E2F5: variants seen among roughly 807,000 people sequenced by gnomAD.
E2F5 encodes the protein E2F transcription factor 5.
In E2F5, 23 loss-of-function variants were observed where a neutral mutation model predicts 39.1. The ratio of observed to expected loss-of-function variants is 0.59; its 90% CI spans 0.42 to 0.83. The LOEUF is 0.83. Among genes scored for constraint, E2F5 ranks in the 40% least tolerant of loss-of-function variants. E2F5 has a pLI of 0.00. For missense variants in E2F5, 365 were observed against 406.7 expected (o/e 0.90, Z 0.88); for synonymous variants, 145 against 157.8 (o/e 0.92, Z 0.61).
intron 2 of E2F5, 94 bp from the exon 3 acceptor site, chr8:85,203,000 A>G: frequency 1.0e-6 from 1 of 955,482 alleles, no homozygotes; most frequent in Non-Finnish European, 1.4e-6. Context: ...TGTCTTGAAT[A>G]TATTACTAAA....
intron 1 of E2F5, among the ~76,000 whole-genome samples, chr8:85,178,860 T>C (rs574983756): frequency 1.3e-5 from 2 of 152,342 alleles, no homozygotes; most frequent in South Asian, 4.1e-4. Flanking sequence ...TGGATGTAGT[T>C]GGTGTTCAAT....
At chr8:85,212,286 T>C (rs1340322991) in intron 7 of E2F5, 82 bp downstream of exon 7, 12 of 1,078,078 alleles carry the variant, frequency 1.1e-5, no homozygotes, top group Non-Finnish European at 1.7e-5. Flanking sequence ...TTAAAAGAAA[T>C]GAACATATAT....
chr8:85,211,838 CTA>C (rs1318638913), intron 6 of E2F5, among the ~76,000 whole-genome samples: 2 of 151,564 alleles, frequency 1.3e-5, no homozygotes, highest in Non-Finnish European at 2.9e-5. Flanking sequence ...ACGGATTTCA[CTA>C]TGTTGCCCAG....
At chr8:85,206,665 G>A (rs1812808462) in intron 4 of E2F5, among the ~76,000 whole-genome samples, 1 of 152,038 alleles carries the variant, frequency 6.6e-6, no homozygotes, top group Admixed American at 6.6e-5. Context: ...CTTATAACCA[G>A]GAAACCTATT....
chr8:85,205,513 C>T (rs1812784773), intron 3 of E2F5, among the ~76,000 whole-genome samples: 1 of 151,990 alleles, frequency 6.6e-6, no homozygotes, highest in South Asian at 2.1e-4. Flanking sequence ...GTCTTGAACT[C>T]CTGACCTCAA....
rs560835376 is a variant in E2F5 at position 85,203,730 on chromosome 8, A to G, written c.506+475A>G. 6.0e-4 allele frequency among the ~76,000 whole-genome samples: 91 copies of G among 151,274 alleles called. 1 individual carries two copies. The highest frequency in any genetic ancestry group is 2.1e-3 in the African/African-American group (85 of 41,398). ...CTTTCTGCCTAACATGAACCCCAAA[A>G]TAGTTCCTACTGGAGAACAGGGGTC... On this transcript the variant is annotated intron_variant, in intron 3 of 7. Transcript: ENST00000416274.
chr8:85,186,621 GTATA>G (rs902291353), intron 1 of E2F5, among the ~76,000 whole-genome samples: 4 of 146,094 alleles, frequency 2.7e-5, no homozygotes, highest in South Asian at 2.1e-4. Flanking sequence ...TATATATAAG[GTATA>G]TATATGGTAT....
At chr8:85,210,912 T>A (rs1201934490) in intron 6 of E2F5, among the ~76,000 whole-genome samples, 3 of 152,108 alleles carry the variant, frequency 2.0e-5, no homozygotes, top group African/African-American at 7.2e-5. Flanking sequence ...TTCAGAGTAG[T>A]TAGGACATTT....
intron 1 of E2F5, among the ~76,000 whole-genome samples, chr8:85,186,547 G>A (rs1812338517): frequency 6.7e-6 from 1 of 148,478 alleles, no homozygotes; most frequent in South Asian, 2.1e-4. Context: ...TATATATATG[G>A]TATATACATA....
At chr8:85,205,617 A>C (rs1812787950) in intron 3 of E2F5, among the ~76,000 whole-genome samples, 1 of 151,956 alleles carries the variant, frequency 6.6e-6, no homozygotes, top group African/African-American at 2.4e-5. Context: ...AACCCCAATA[A>C]AAGCTCTGGG....
At chr8:85,198,854 C>T (rs867335665) in intron 1 of E2F5, among the ~76,000 whole-genome samples, 3 of 152,184 alleles carry the variant, frequency 2.0e-5, no homozygotes, top group Non-Finnish European at 4.4e-5. Flanking sequence ...CACACACTCT[C>T]GTGTCCAGTG....
intron 1 of E2F5, among the ~76,000 whole-genome samples, chr8:85,185,459 A>T (rs879078489): frequency 1.3e-5 from 2 of 152,224 alleles, no homozygotes; most frequent in African/African-American, 4.8e-5. Context: ...ATGGGCAAAG[A>T]CTTCTTGTCT....
chr8:85,177,494 C>T lies in E2F5; in HGVS notation c.74C>T (p.Pro25Leu), dbSNP rs1812108015. ...CAGGGGCAGGGCCAGCGGCCGCCGC[C>T]GCAGCCTCCGCAGGCGCAAGCCCCG... Reference protein sequence around the residue: ...AGQGQGQRPPPQPPQAQAPQP... With the variant: ...AGQGQGQRPPLQPPQAQAPQP... Residue 25 changes from proline (P) to leucine (L), a missense_variant, in exon 1 of 8, where the codon CCG (proline) becomes CTG (leucine). Pro to Leu is a moderately conservative substitution (Grantham distance 98). Transcript: ENST00000416274. The T allele has an allele frequency of 8.5e-6, 9 of 1,057,760 alleles. No individual in the cohort carries two copies. The South Asian group carries it at 3.5e-4, about 41-fold the overall frequency. The allele number at this position is 1,057,760 out of a possible 1,614,324, so 65.5% of individuals were successfully genotyped here.
intron 2 of E2F5, 101 bp downstream of exon 2, chr8:85,202,357 C>A: frequency 1.2e-6 from 1 of 825,294 alleles, no homozygotes; most frequent in Non-Finnish European, 1.9e-6. Context: ...TCCTCTATTT[C>A]AGTCAGGCCC....
intron 1 of E2F5, among the ~76,000 whole-genome samples, chr8:85,185,387 T>C (rs1025552612): frequency 5.3e-5 from 8 of 152,184 alleles, no homozygotes; most frequent in African/African-American, 1.9e-4. Flanking sequence ...GACTTAAACG[T>C]AAGACCTGAA....
chr8:85,213,004 T>A (rs981266162), intron 7 of E2F5: 1 of 151,868 alleles, frequency 6.6e-6, no homozygotes, highest in African/African-American at 2.4e-5. Flanking sequence ...TTCAAATGAT[T>A]CTCCTGGCTC....
At chr8:85,206,369 G>C (rs1480997464) in intron 4 of E2F5, 149 bp downstream of exon 4, 5 of 722,298 alleles carry the variant, frequency 6.9e-6, no homozygotes, top group Non-Finnish European at 9.0e-6. Context: ...TTGATAGACT[G>C]CTTTTGTTTC....
Position 85,213,774 on chromosome 8 carries a change from C to A in E2F5, c.953C>A (p.Ser318Tyr). 3.1e-6 allele frequency: 5 copies of A among 1,612,700 alleles called. No individual in the cohort carries two copies. Among genetic ancestry groups the A allele is most frequent in the Non-Finnish European group, 4.2e-6 (5 of 1,179,120 alleles). The change falls in exon 8 of 8, where the codon TCT becomes TAT. Residue 318 changes from serine to tyrosine, a missense_variant. By Grantham distance (144) the Ser-to-Tyr change is moderately radical. Coordinates refer to ENST00000416274, the MANE Select transcript of E2F5 (RefSeq NM_001951.4). ...SSDVFPLLRL[S>Y]PTPADDYNFN... The stretch of plus-strand genomic sequence containing the variant: ...GCAGTGTTTCCTCTCTTAAGGCTTT[C>A]TCCTACCCCGGCAGATGACTACAAC...
intron 3 of E2F5, among the ~76,000 whole-genome samples, chr8:85,205,272 G>A (rs957256176): frequency 5.3e-5 from 8 of 150,802 alleles, no homozygotes; most frequent in African/African-American, 2.0e-4. Flanking sequence ...GAGTCGCTCT[G>A]TTGCCCAGGC....
Sources: gnomAD v4.1 joint callset for allele counts (sites outside exome capture counted in the v4.1 genomes callset) on GRCh38, gnomAD v4.1.1 for gene constraint, MANE v1.5 for transcripts, NCBI Gene and HGNC (gene_info 2026-07-23, HGNC 2026-07-21) for gene names.